The following MAF variants were observed in gnomAD, a reference collection of about 807,000 sequenced individuals.
MAF encodes the protein transcription factor Maf.
MAF carries 10 observed loss-of-function variants against 22.0 expected under a neutral mutation model. The ratio of observed to expected loss-of-function variants is 0.45; its 90% confidence interval spans 0.28 to 0.77. The LOEUF is 0.77. Ranked by LOEUF, MAF falls within the 30% of genes least tolerant of loss-of-function variation. MAF has a pLI of 0.12. For synonymous variants in MAF, 337 were observed against 255.8 expected (o/e 1.32, Z -3.03); for missense variants, 544 against 548.4 (o/e 0.99, Z 0.08).
chr16:79,249,738 C>G, the MAF span, among the ~76,000 whole-genome samples: 4 of 152,000 alleles, frequency 2.6e-5, no homozygotes, highest in African/African-American at 4.8e-5. Context: ...CTGGCTGTTC[C>G]CCGCTCCCTC....
chr16:79,414,899 G>T, the MAF span, among the ~76,000 whole-genome samples: 1 of 152,184 alleles, frequency 6.6e-6, no homozygotes, highest in Non-Finnish European at 1.5e-5. Flanking sequence ...ATTCTAAACT[G>T]TTCAAATCTT....
chr16:79,220,253 C>T, the MAF span, among the ~76,000 whole-genome samples: 2 of 5,590 alleles, frequency 3.6e-4, no homozygotes, highest in African/African-American at 1.2e-3. Flanking sequence ...GAGACTCCAT[C>T]TCAAAAAAAA....
the MAF span, among the ~76,000 whole-genome samples, chr16:79,368,832 C>T: frequency 1.3e-5 from 2 of 152,198 alleles, no homozygotes; most frequent in Admixed American, 6.5e-5. Context: ...CCATTCAAAC[C>T]TTCCTTGACC....
At chr16:79,570,470 C>G in the MAF span, among the ~76,000 whole-genome samples, 1 of 152,222 alleles carries the variant, frequency 6.6e-6, no homozygotes, top group East Asian at 1.9e-4. Flanking sequence ...TTTCCAAGAT[C>G]TTTCTTTGAC....
Position 79,594,552 on chromosome 16 carries a change from T to G in MAF, c.1120A>C (p.Thr374Pro), listed in dbSNP as rs1913395516. 2.6e-6 allele frequency: 4 copies of G among 1,559,408 alleles called. No homozygotes were observed. The African/African-American group carries it at 4.1e-5, about 16-fold the overall frequency. ...GGCTCCAACTTGCGAGTGGGCTCAG[T>G]TCTGTAATTGGAATGAAAGGAATTT... is the stretch of plus-strand genomic sequence containing the variant. ...DNPSSPEFFI[T>P]EPTRKLEPSV... Residue 374 changes from threonine to proline, a missense_variant and splice_region_variant, in exon 2 of 2, where the codon ACT (threonine) becomes CCT (proline). Transcript: ENST00000326043.
At chr16:79,525,096 T>G in the MAF span, among the ~76,000 whole-genome samples, 1 of 152,198 alleles carries the variant, frequency 6.6e-6, no homozygotes, top group Admixed American at 6.5e-5. Flanking sequence ...TCTGAAAATA[T>G]ACCTTCCTTA....
At chr16:79,528,226 T>G in the MAF span, among the ~76,000 whole-genome samples, 1 of 152,188 alleles carries the variant, frequency 6.6e-6, no homozygotes, top group Non-Finnish European at 1.5e-5. Flanking sequence ...CCCTCTTTAG[T>G]TTCTTGGCCA....
downstream of MAF, among the ~76,000 whole-genome samples, chr16:79,584,501 C>T (rs1434743311): frequency 1.3e-5 from 2 of 152,144 alleles, no homozygotes; most frequent in African/African-American, 4.8e-5. Flanking sequence ...CCACCAGTAA[C>T]CTTATATGAA....
chr16:79,267,757 C>T, the MAF span, among the ~76,000 whole-genome samples: 1 of 152,158 alleles, frequency 6.6e-6, no homozygotes, highest in African/African-American at 2.4e-5. Flanking sequence ...GGGGAGAACA[C>T]AAAGAGTGCA....
chr16:79,425,099 A>G, the MAF span, among the ~76,000 whole-genome samples: 1 of 152,166 alleles, frequency 6.6e-6, no homozygotes, highest in Non-Finnish European at 1.5e-5. Flanking sequence ...CCCAAAGATG[A>G]TGAATACTTT....
At chr16:79,386,270 G>C in the MAF span, among the ~76,000 whole-genome samples, 2 of 152,030 alleles carry the variant, frequency 1.3e-5, no homozygotes, top group Non-Finnish European at 2.9e-5. Flanking sequence ...TGTAGACTCA[G>C]TGGGAGCCTT....
chr16:79,464,709 G>T, the MAF span, among the ~76,000 whole-genome samples: 1 of 152,132 alleles, frequency 6.6e-6, no homozygotes, highest in Admixed American at 6.5e-5. Flanking sequence ...CTACACCATG[G>T]GTCAGAGGGG....
At chr16:79,590,444 C>T (rs147343325), downstream of MAF, among the ~76,000 whole-genome samples, 2 of 152,254 alleles carry the variant, frequency 1.3e-5, no homozygotes, top group East Asian at 1.9e-4. Flanking sequence ...TTATTGGGTC[C>T]CAGATCTCAG....
the MAF span, among the ~76,000 whole-genome samples, chr16:79,376,397 C>T: frequency 1.3e-5 from 2 of 151,940 alleles, no homozygotes. Context: ...TTTTTCATTG[C>T]AAAAGTTATT....
chr16:79,447,368 C>A, the MAF span, among the ~76,000 whole-genome samples: 3 of 151,100 alleles, frequency 2.0e-5, no homozygotes, highest in African/African-American at 7.3e-5. Context: ...CAAAATATTA[C>A]TGCTCATTAA....
the MAF span, among the ~76,000 whole-genome samples, chr16:79,339,685 GT>G: frequency 6.6e-6 from 1 of 152,088 alleles, no homozygotes; most frequent in South Asian, 2.1e-4. Context: ...CTTGTTTGTT[GT>G]TAGTGTAATA....
At chr16:79,235,470 G>GA in the MAF span, among the ~76,000 whole-genome samples, 2 of 152,012 alleles carry the variant, frequency 1.3e-5, no homozygotes, top group South Asian at 4.1e-4. Flanking sequence ...GGAGGCTGAG[G>GA]TGGGGAGATC....
At chr16:79,327,712 C>T in the MAF span, among the ~76,000 whole-genome samples, 5 of 152,274 alleles carry the variant, frequency 3.3e-5, no homozygotes, top group African/African-American at 9.6e-5. Context: ...CTCGTACTGT[C>T]GCAGGGACTG....
chr16:79,554,340 T>A, the MAF span, among the ~76,000 whole-genome samples: 1 of 152,130 alleles, frequency 6.6e-6, no homozygotes, highest in East Asian at 1.9e-4. Flanking sequence ...TGTCTGCTGG[T>A]CTCTAGAGTC....
Sources: gnomAD v4.1 joint callset for allele counts (sites outside exome capture counted in the v4.1 genomes callset) on GRCh38, gnomAD v4.1.1 for gene constraint, MANE v1.5 for transcripts, NCBI Gene and HGNC (gene_info 2026-07-23, HGNC 2026-07-21) for gene names.